Variants in TNR observed in about 807,000 individuals in gnomAD.
TNR encodes the protein tenascin R, also known as tenascin-R.
In TNR, 45 loss-of-function variants were observed where a neutral mutation model predicts 150.4. The ratio of observed to expected loss-of-function variants is 0.30; its 90% CI spans 0.24 to 0.38. The LOEUF (loss-of-function observed/expected upper bound fraction) is 0.38, where lower values mean the gene tolerates loss of function less well. TNR is among the 10% of genes least tolerant of loss of function. TNR has a pLI of 1.00. For missense variants in TNR, 1,544 were observed against 1,759.1 expected (o/e 0.88, Z 2.19); for synonymous variants, 687 against 678.4 (o/e 1.01, Z -0.20).
At position 175,379,691 on chromosome 1, in the gene TNR, G is replaced by C. The variant is rs750477120; in HGVS notation, c.1824C>G (p.Thr608=). Residue 608 remains threonine (T), a synonymous_variant, in exon 9 of 23, where the codon ACC becomes ACG. Transcript: ENST00000367674. ...KNLRVGSRTA[T]SLDLEWDNSE... is the part of the protein sequence containing the mutation. ...TGTTATCCCACTCGAGGTCAAGGCT[G>C]GTTGCTGTGCGAGAACCAACTCGCA... 9 of 1,614,072 alleles carry C rather than the reference G, an allele frequency of 5.6e-6. No individual in the cohort carries two copies. The highest frequency in any genetic ancestry group is 6.8e-6 in the Non-Finnish European group (8 of 1,180,038).
intron 2 of TNR, among the ~76,000 whole-genome samples, chr1:175,512,003 C>T (rs1659197319): frequency 6.6e-6 from 1 of 152,138 alleles, no homozygotes; most frequent in East Asian, 1.9e-4. Context: ...GGTGCTACAG[C>T]TATAGGATGA....
At chr1:175,544,465 A>G (rs919532219) in intron 1 of TNR, among the ~76,000 whole-genome samples, 1 of 152,232 alleles carries the variant, frequency 6.6e-6, no homozygotes, top group African/African-American at 2.4e-5. Context: ...GGTTAAAAAC[A>G]TTATTAACCA....
intron 1 of TNR, among the ~76,000 whole-genome samples, chr1:175,546,765 G>A (rs1353821309): frequency 2.0e-5 from 3 of 152,100 alleles, no homozygotes; most frequent in Non-Finnish European, 4.4e-5. Flanking sequence ...CTCTTCAGAA[G>A]TCTGAAGACT....
intron 1 of TNR, among the ~76,000 whole-genome samples, chr1:175,696,224 T>TTTTTGTTGTTG (rs35384139): frequency 5.0e-5 from 6 of 120,378 alleles, no homozygotes; most frequent in Admixed American, 8.2e-5. Flanking sequence ...GTAGTTTTTT[T>TTTTTGTTGTTG]TTTTTTTTTT....
intron 2 of TNR, among the ~76,000 whole-genome samples, chr1:175,517,871 A>G (rs1366181956): frequency 2.6e-5 from 4 of 152,128 alleles, no homozygotes; most frequent in African/African-American, 9.7e-5. Context: ...CCCACTGTGC[A>G]TGTTTCCAGG....
chr1:175,698,792 G>A (rs368913456), intron 1 of TNR, among the ~76,000 whole-genome samples: 2 of 151,776 alleles, frequency 1.3e-5, no homozygotes, highest in African/African-American at 2.4e-5. Flanking sequence ...CTGAGATCAC[G>A]CCTGGGCAAT....
intron 18 of TNR, among the ~76,000 whole-genome samples, chr1:175,339,039 C>A (rs1321647949): frequency 7.9e-5 from 12 of 152,208 alleles, no homozygotes; most frequent in Non-Finnish European, 1.5e-5. Flanking sequence ...TAGAACCTAT[C>A]CTTTACCAAG....
intron 21 of TNR, among the ~76,000 whole-genome samples, chr1:175,328,079 G>A (rs1557865118): frequency 6.6e-6 from 1 of 152,216 alleles, no homozygotes; most frequent in Non-Finnish European, 1.5e-5. Flanking sequence ...CTGCACACCA[G>A]CCTGGGTGAA....
intron 8 of TNR, among the ~76,000 whole-genome samples, chr1:175,381,243 A>G (rs1360936197): frequency 1.3e-5 from 2 of 152,200 alleles, no homozygotes; most frequent in South Asian, 4.1e-4. Context: ...AAGCTGGGCA[A>G]AGGGACTGGA....
chr1:175,427,787 TCTTC>T (rs200286551), intron 2 of TNR, among the ~76,000 whole-genome samples: 36 of 132,184 alleles, frequency 2.7e-4, no homozygotes, highest in South Asian at 1.0e-3. Context: ...TCTTTCCCTT[TCTTC>T]CTTCCTTCCT....
At chr1:175,623,649 G>A (rs1304324857) in intron 1 of TNR, among the ~76,000 whole-genome samples, 4 of 152,202 alleles carry the variant, frequency 2.6e-5, no homozygotes, top group African/African-American at 4.8e-5. Context: ...CCTGTAGCCC[G>A]ATATCCACGT....
At chr1:175,335,843 C>T in intron 19 of TNR, 36 bp from the exon 20 acceptor site, 1 of 1,570,180 alleles carries the variant, frequency 6.4e-7, no homozygotes, top group African/African-American at 1.4e-5. Flanking sequence ...AACAAACAAA[C>T]AAAAAAACAA....
intron 1 of TNR, among the ~76,000 whole-genome samples, chr1:175,697,719 T>A (rs1439289060): frequency 6.6e-6 from 1 of 152,252 alleles, no homozygotes; most frequent in Non-Finnish European, 1.5e-5. Flanking sequence ...TCAGTTCCAC[T>A]TGGGAGGGCA....
At chr1:175,550,505 C>A (rs772154592) in intron 1 of TNR, among the ~76,000 whole-genome samples, 2 of 151,984 alleles carry the variant, frequency 1.3e-5, no homozygotes, top group African/African-American at 2.4e-5. Context: ...CCTCACCCCC[C>A]ATCCTTTTCC....
chr1:175,438,594 A>T (rs137997389), intron 2 of TNR, among the ~76,000 whole-genome samples: 73,444 of 151,910 alleles, frequency 0.48, 19,015 homozygotes, highest in African/African-American at 0.67. Context: ...AAATTGTCCC[A>T]GTTTGCAGAT....
At chr1:175,734,374 G>A (rs571185444) in intron 1 of TNR, among the ~76,000 whole-genome samples, 1 of 152,314 alleles carries the variant, frequency 6.6e-6, no homozygotes, top group South Asian at 2.1e-4. Context: ...CCCATTTGAT[G>A]GGTGAGGAAA....
In TNR at chr1:175,365,140, C is replaced by T. The variant is rs774227241; in HGVS notation, c.2457G>A (p.Glu819=). The part of the protein sequence containing the change: ...SPRDEEEEMM[E]VSLDATKRHA... ...GCCTCTTGGTGGCATCCAGGGAGAC[C>T]TCCATCATCTCTTCCTCCTCATCCC... The change falls in exon 12 of 23, where the codon GAG becomes GAA. Residue 819 remains glutamate, a synonymous_variant. Transcript: ENST00000367674. The T allele has an allele frequency of 1.2e-6, 2 of 1,614,126 alleles. No individual in the cohort carries two copies. Among genetic ancestry groups the T allele is most frequent in the Non-Finnish European group, 1.7e-6 (2 of 1,180,008 alleles).
intron 1 of TNR, among the ~76,000 whole-genome samples, chr1:175,714,277 C>A (rs762658409): frequency 6.6e-6 from 1 of 152,060 alleles, no homozygotes. Flanking sequence ...TCAGATGGCA[C>A]CAGAAGCCAA....
intron 4 of TNR, among the ~76,000 whole-genome samples, chr1:175,402,255 C>G (rs371776800): frequency 1.6e-5 from 2 of 125,072 alleles, no homozygotes; most frequent in African/African-American, 6.2e-5. Flanking sequence ...TGCAGTGAGC[C>G]GAGATTGCGC....
Sources: gnomAD v4.1 joint callset for allele counts (sites outside exome capture counted in the v4.1 genomes callset) on GRCh38, gnomAD v4.1.1 for gene constraint, MANE v1.5 for transcripts, NCBI Gene and HGNC (gene_info 2026-07-23, HGNC 2026-07-21) for gene names.